The following LGR5 variants were observed in gnomAD, a reference collection of about 807,000 sequenced individuals.
LGR5 encodes leucine rich repeat containing G protein-coupled receptor 5, also known as leucine-rich repeat-containing G protein-coupled receptor 5.
Under a neutral mutation model 76.7 loss-of-function variants are expected in LGR5, and 54 were observed. That is an observed-to-expected ratio of 0.70 (90% CI 0.57 to 0.88). The LOEUF (loss-of-function observed/expected upper bound fraction) is 0.88. LGR5 is among the 40% of genes least tolerant of loss of function. LGR5 has a pLI of 0.00. For synonymous variants in LGR5, 406 were observed against 421.9 expected (o/e 0.96, Z 0.46); for missense variants, 1,078 against 1,073.3 (o/e 1.00, Z -0.06).
At chr12:71,563,803 G>A (rs1878182269) in intron 8 of LGR5, among the ~76,000 whole-genome samples, 1 of 151,968 alleles carries the variant, frequency 6.6e-6, no homozygotes, top group Non-Finnish European at 1.5e-5. Context: ...GTGTGTTTAT[G>A]ATACTTCTGC....
At chr12:71,496,101 G>C (rs1278008597) in intron 1 of LGR5, among the ~76,000 whole-genome samples, 2 of 152,298 alleles carry the variant, frequency 1.3e-5, no homozygotes, top group Admixed American at 6.5e-5. Context: ...GCCAGGCAAG[G>C]TGGCTCACGC....
intron 15 of LGR5, among the ~76,000 whole-genome samples, chr12:71,579,739 T>G (rs1009978882): frequency 6.6e-6 from 1 of 152,176 alleles, no homozygotes; most frequent in Non-Finnish European, 1.5e-5. Context: ...TGTTATTTAT[T>G]CTTTCTATTT....
intron 1 of LGR5, among the ~76,000 whole-genome samples, chr12:71,489,448 T>C (rs1394519855): frequency 4.7e-4 from 71 of 152,316 alleles, no homozygotes; most frequent in Non-Finnish European, 2.9e-5. Flanking sequence ...CAGCATTGTT[T>C]ATTGAACAAA....
chr12:71,544,668 T>C (rs1468535349), intron 4 of LGR5, among the ~76,000 whole-genome samples: 1 of 152,078 alleles, frequency 6.6e-6, no homozygotes, highest in Non-Finnish European at 1.5e-5. Flanking sequence ...TTATAATAGT[T>C]CTGTGACAAA....
chr12:71,549,010 G>A (rs942660967), intron 4 of LGR5, among the ~76,000 whole-genome samples: 5 of 152,074 alleles, frequency 3.3e-5, no homozygotes, highest in South Asian at 2.1e-4. Flanking sequence ...TCTTATACCC[G>A]ACTGTTAAAA....
At chr12:71,539,796 T>A (rs979242123) in intron 4 of LGR5, among the ~76,000 whole-genome samples, 1 of 152,116 alleles carries the variant, frequency 6.6e-6, no homozygotes, top group African/African-American at 2.4e-5. Context: ...TTCTTTTAAC[T>A]CTTCTGATGC....
At chr12:71,554,739 G>C (rs1340623658) in intron 5 of LGR5, among the ~76,000 whole-genome samples, 2 of 152,202 alleles carry the variant, frequency 1.3e-5, no homozygotes, top group Non-Finnish European at 2.9e-5. Flanking sequence ...TATTTTTGCA[G>C]AAGTGGTTTA....
chr12:71,517,138 C>T (rs148257347), intron 2 of LGR5, among the ~76,000 whole-genome samples: 1 of 152,232 alleles, frequency 6.6e-6, no homozygotes, highest in East Asian at 1.9e-4. Context: ...ATTGTGAACA[C>T]ATTTGAAAGC....
chr12:71,489,560 T>G (rs1329983562), intron 1 of LGR5, among the ~76,000 whole-genome samples: 1 of 152,212 alleles, frequency 6.6e-6, no homozygotes, highest in Non-Finnish European at 1.5e-5. Flanking sequence ...AGTCTTCTAA[T>G]CCCTTCCATT....
At chr12:71,456,014 T>G (rs1872457451) in intron 1 of LGR5, among the ~76,000 whole-genome samples, 1 of 152,144 alleles carries the variant, frequency 6.6e-6, no homozygotes, top group African/African-American at 2.4e-5. Context: ...ATGGTTAGAA[T>G]ATTATAATAT....
At chr12:71,461,316 G>C (rs910191568) in intron 1 of LGR5, among the ~76,000 whole-genome samples, 1 of 152,088 alleles carries the variant, frequency 6.6e-6, no homozygotes, top group Admixed American at 6.6e-5. Flanking sequence ...GTTATGTAAG[G>C]TGCTATGGAG....
intron 14 of LGR5, 42 bp downstream of exon 14, chr12:71,578,038 T>C (rs1204562445): frequency 7.1e-7 from 1 of 1,406,002 alleles, no homozygotes; most frequent in Non-Finnish European, 1.0e-6. Flanking sequence ...CTCTTAATAA[T>C]TGAGGACCAT....
At chr12:71,550,484 A>G (rs1264370690) in intron 4 of LGR5, among the ~76,000 whole-genome samples, 3 of 108,014 alleles carry the variant, frequency 2.8e-5, no homozygotes, top group Non-Finnish European at 3.8e-5. Context: ...TTTTTAAGAC[A>G]GAGTCTCACT....
intron 13 of LGR5, among the ~76,000 whole-genome samples, chr12:71,576,055 A>G (rs1303216346): frequency 6.6e-6 from 1 of 152,122 alleles, no homozygotes; most frequent in Admixed American, 6.5e-5. Context: ...ACATGGACAC[A>G]GGGAGAGAGA....
chr12:71,497,136 A>C, intron 1 of LGR5, among the ~76,000 whole-genome samples: 1 of 151,826 alleles, frequency 6.6e-6, no homozygotes, highest in African/African-American at 2.4e-5. Flanking sequence ...CAACATAGTG[A>C]GACCTCATCT....
At chr12:71,530,332 T>TA (rs1428236463) in intron 3 of LGR5, among the ~76,000 whole-genome samples, 1 of 152,184 alleles carries the variant, frequency 6.6e-6, no homozygotes, top group Non-Finnish European at 1.5e-5. Flanking sequence ...AACTGTTTTA[T>TA]AAAGTCCAAA....
At chr12:71,461,327 G>A (rs747916806) in intron 1 of LGR5, among the ~76,000 whole-genome samples, 4 of 152,126 alleles carry the variant, frequency 2.6e-5, no homozygotes, top group African/African-American at 4.8e-5. Context: ...TGCTATGGAG[G>A]ACACAAATGA....
At position 71,566,845 on chromosome 12, in the gene LGR5, T is replaced by C. The variant is rs368297247; in HGVS notation, c.1003T>C (p.Leu335=). 1.9e-6 allele frequency: 3 copies of C among 1,613,392 alleles called. No individual in the cohort carries two copies. The highest frequency in any genetic ancestry group is 2.7e-5 in the African/African-American group (2 of 74,906). The change falls in exon 11 of 18, where the codon TTA becomes CTA. Residue 335 remains leucine (L), a synonymous_variant. Transcript: ENST00000266674. Reference sequence around the variant, plus strand: ...GTCTGGTTTGTGTTTTAACAGGACTTTAACTGGAGCACAGATCTCATCTCT... The same window carrying C: ...GTCTGGTTTGTGTTTTAACAGGACTCTAACTGGAGCACAGATCTCATCTCT... ...TGTANLESLT[L]TGAQISSLPQ...
At chr12:71,541,493 T>A (rs1229450930) in intron 4 of LGR5, among the ~76,000 whole-genome samples, 1 of 152,206 alleles carries the variant, frequency 6.6e-6, no homozygotes, top group African/African-American at 2.4e-5. Flanking sequence ...GACTACCATA[T>A]AAGTGAGGCA....
Sources: allele counts gnomAD v4.1 joint callset (sites outside exome capture counted in the v4.1 genomes callset), GRCh38; gene constraint gnomAD v4.1.1; transcripts MANE v1.5; gene names NCBI Gene and HGNC (gene_info 2026-07-23, HGNC 2026-07-21).